Variants in PPFIBP1 observed in about 807,000 individuals in gnomAD.
PPFIBP1 encodes liprin-beta-1.
A neutral mutation model predicts 137.8 loss-of-function variants in PPFIBP1; 112 were observed. The ratio of observed to expected loss-of-function variants is 0.81; its 90% confidence interval spans 0.70 to 0.95. The LOEUF is 0.95. Among genes scored for constraint, PPFIBP1 ranks in the 40% least tolerant of loss-of-function variants. The pLI is 0.00. For missense variants in PPFIBP1, 1,083 were observed against 1,196.6 expected, an observed-to-expected ratio of 0.91 and a Z score of 1.40; for synonymous variants, 378 against 417.3, an observed-to-expected ratio of 0.91 and a Z score of 1.15.
At position 27,691,812 on chromosome 12, in the gene PPFIBP1, GA is replaced by G. The variant is rs1447272701; in HGVS notation, c.2751del (p.Glu917AspfsTer37). ...AAAGAAGAAACAGGAAGATGGTGAAGAATATGTTTGTCCAATGGAATTGGGA... is the reference window on the plus strand; with the variant it reads ...AAAGAAGAAACAGGAAGATGGTGAAGATATGTTTGTCCAATGGAATTGGGA... ...LRKKKQEDGE[E>X]YVCPMELGQA... is the part of the protein sequence containing the mutation. On this transcript the variant is annotated frameshift_variant, in exon 28 of 30. Transcript: ENST00000228425. LOFTEE classifies it high-confidence loss of function. The G allele has an allele frequency of 1.2e-6, 2 of 1,613,962 alleles. No individual in the cohort carries two copies. The highest frequency in any genetic ancestry group is 2.2e-5 in the South Asian group (2 of 91,002).
At chr12:27,564,268 A>G (rs146328097) in intron 1 of PPFIBP1, among the ~76,000 whole-genome samples, 11 of 152,318 alleles carry the variant, frequency 7.2e-5, no homozygotes, top group African/African-American at 2.6e-4. Context: ...GAGATAATAT[A>G]TACAGTCCTC....
chr12:27,672,464 C>CA lies in PPFIBP1; in HGVS notation c.1302dup (p.Leu435ThrfsTer3). ...AATCCTTGGTGCCACTGTTGATACC[C>CA]AACTGTGTGATAAACTTTTGTAAGT... On this transcript the variant is annotated frameshift_variant, in exon 15 of 30. Coordinates refer to ENST00000228425, the MANE Select transcript of PPFIBP1 (RefSeq NM_003622.4). LOFTEE classifies it high-confidence loss of function. The CA allele has an allele frequency of 6.2e-7, 1 of 1,608,084 alleles. No individual in the cohort carries two copies. Among genetic ancestry groups the CA allele is most frequent in the Non-Finnish European group, 8.5e-7 (1 of 1,175,212 alleles).
chr12:27,567,077 T>G (rs1464789516), intron 1 of PPFIBP1, among the ~76,000 whole-genome samples: 1 of 152,148 alleles, frequency 6.6e-6, no homozygotes, highest in African/African-American at 2.4e-5. Context: ...CTAATCTATA[T>G]CAATAAAGGG....
chr12:27,685,299 A>T (rs117719324), intron 24 of PPFIBP1, among the ~76,000 whole-genome samples: 1 of 148,940 alleles, frequency 6.7e-6, no homozygotes, highest in Non-Finnish European at 1.5e-5. Flanking sequence ...ACACACACAC[A>T]CTCTGTGTAT....
At chr12:27,627,928 C>T (rs186589674) in intron 2 of PPFIBP1, among the ~76,000 whole-genome samples, 2 of 151,352 alleles carry the variant, frequency 1.3e-5, no homozygotes, top group African/African-American at 4.9e-5. Flanking sequence ...GAATAGGAAA[C>T]CAGTAGCCCA....
chr12:27,680,116 T>C (rs2060793596), intron 21 of PPFIBP1, 55 bp downstream of exon 21: 1 of 1,601,056 alleles, frequency 6.2e-7, no homozygotes, highest in African/African-American at 1.3e-5. Flanking sequence ...CATAGCCTCA[T>C]GAGTCCTGCA....
chr12:27,529,835 A>G (rs1482199032), intron 1 of PPFIBP1, among the ~76,000 whole-genome samples: 2 of 151,944 alleles, frequency 1.3e-5, no homozygotes, highest in African/African-American at 2.4e-5. Context: ...AAGAGTGTGG[A>G]CTCTTTTATG....
At chr12:27,587,444 A>G (rs2051902094) in intron 2 of PPFIBP1, among the ~76,000 whole-genome samples, 2 of 151,890 alleles carry the variant, frequency 1.3e-5, no homozygotes, top group Non-Finnish European at 2.9e-5. Context: ...AACATGGTGA[A>G]ACCCCGTCTC....
intron 1 of PPFIBP1, among the ~76,000 whole-genome samples, chr12:27,546,459 C>T (rs1247447946): frequency 2.0e-5 from 3 of 152,168 alleles, no homozygotes; most frequent in Non-Finnish European, 4.4e-5. Context: ...CTGGTAAAAG[C>T]ACCTGCTTTT....
At chr12:27,627,116 C>G (rs561350578) in intron 2 of PPFIBP1, among the ~76,000 whole-genome samples, 1 of 152,092 alleles carries the variant, frequency 6.6e-6, no homozygotes, top group African/African-American at 2.4e-5. Context: ...ACAGACATTC[C>G]AATTCTTTTA....
chr12:27,655,522 C>T (rs143255956), intron 8 of PPFIBP1, among the ~76,000 whole-genome samples: 12 of 152,284 alleles, frequency 7.9e-5, no homozygotes, highest in African/African-American at 2.9e-4. Flanking sequence ...TGTAAACATT[C>T]GCTTGTGAAA....
At chr12:27,567,108 A>G (rs17508252) in intron 1 of PPFIBP1, among the ~76,000 whole-genome samples, 4,312 of 152,324 alleles carry the variant, frequency 0.028, 95 homozygotes, top group Non-Finnish European at 0.042. Context: ...ATAAGGAAAA[A>G]TTAACCTACG....
chr12:27,555,131 G>A (rs2048609412), intron 1 of PPFIBP1, among the ~76,000 whole-genome samples: 1 of 152,154 alleles, frequency 6.6e-6, no homozygotes, highest in East Asian at 1.9e-4. Context: ...AAGATTTATG[G>A]AGATGCCTCA....
intron 1 of PPFIBP1, among the ~76,000 whole-genome samples, chr12:27,576,440 C>T (rs1489546047): frequency 1.3e-5 from 2 of 152,132 alleles, no homozygotes; most frequent in African/African-American, 4.8e-5. Flanking sequence ...TCTGCAGCCT[C>T]CCCCTGCAGC....
intron 4 of PPFIBP1, among the ~76,000 whole-genome samples, chr12:27,641,980 A>AATAAATAAAGAG (rs1555225027): frequency 6.9e-6 from 1 of 144,896 alleles, no homozygotes; most frequent in African/African-American, 2.6e-5. Context: ...TAAATAAATA[A>AATAAATAAAGAG]ATAGAAGGCT....
chr12:27,624,080 G>A (rs1323976326), intron 2 of PPFIBP1, among the ~76,000 whole-genome samples: 5 of 152,034 alleles, frequency 3.3e-5, no homozygotes, highest in African/African-American at 9.7e-5. Flanking sequence ...ACAAAGAAGA[G>A]GGTCCAAGCA....
intron 2 of PPFIBP1, among the ~76,000 whole-genome samples, chr12:27,621,209 T>C (rs1360434775): frequency 6.6e-6 from 1 of 152,270 alleles, no homozygotes; most frequent in Admixed American, 6.5e-5. Flanking sequence ...TGTTGTGGCA[T>C]GAAAGCCACC....
chr12:27,547,270 G>A (rs55924831), intron 1 of PPFIBP1: 23,312 of 152,114 alleles, frequency 0.15, 2,073 homozygotes, highest in Middle Eastern at 0.27. Flanking sequence ...GCTAGGTCTC[G>A]CCGCCTTTAC....
intron 8 of PPFIBP1, chr12:27,655,291 G>A (rs2059128593): frequency 4.9e-6 from 6 of 1,214,240 alleles, no homozygotes; most frequent in African/African-American, 1.5e-5. Flanking sequence ...GGCTTGTGTT[G>A]TTTTGCTGTG....
Sources: allele counts gnomAD v4.1 joint callset (sites outside exome capture counted in the v4.1 genomes callset), GRCh38; gene constraint gnomAD v4.1.1; transcripts MANE v1.5; gene names NCBI Gene and HGNC (gene_info 2026-07-23, HGNC 2026-07-21).